The following MRRF variants were observed in gnomAD, a reference collection of about 807,000 sequenced individuals.
MRRF encodes mitochondrial ribosome recycling factor.
MRRF carries 18 observed loss-of-function variants against 25.1 expected under a neutral mutation model. That is an observed-to-expected ratio of 0.72 (90% confidence interval 0.50 to 1.06). The LOEUF (loss-of-function observed/expected upper bound fraction) is 1.06, where lower values mean the gene tolerates loss of function less well. MRRF is among the 50% of genes least tolerant of loss of function. MRRF has a pLI of 0.00. For synonymous variants in MRRF, 113 were observed against 112.1 expected, an observed-to-expected ratio of 1.01 and a Z score of -0.05; for missense variants, 323 against 319.3, an observed-to-expected ratio of 1.01 and a Z score of -0.09.
At chr9:122,269,771 G>A (rs569762201) in intron 1 of MRRF, among the ~76,000 whole-genome samples, 1 of 152,064 alleles carries the variant, frequency 6.6e-6, no homozygotes, top group Non-Finnish European at 1.5e-5. Context: ...GAAAAAAAAG[G>A]TGATAGCTAT....
At chr9:122,270,828 T>G in intron 1 of MRRF, 36 bp from the exon 2 acceptor site, 1 of 1,534,234 alleles carries the variant, frequency 6.5e-7, no homozygotes, top group Non-Finnish European at 9.0e-7. Flanking sequence ...ACTTAGATCT[T>G]TTACTTAGAT....
chr9:122,287,229 C>T (rs1196825123), intron 4 of MRRF, among the ~76,000 whole-genome samples: 1 of 152,162 alleles, frequency 6.6e-6, no homozygotes, highest in Non-Finnish European at 1.5e-5. Context: ...CTCACTTTTA[C>T]TAGAGTGTAA....
chr9:122,273,968 A>G (rs1832622533), intron 2 of MRRF, among the ~76,000 whole-genome samples: 1 of 152,212 alleles, frequency 6.6e-6, no homozygotes, highest in Non-Finnish European at 1.5e-5. Flanking sequence ...GTTTTGAGCT[A>G]AAACAAATAA....
At chr9:122,319,854 G>A (rs1195418617) in intron 6 of MRRF, among the ~76,000 whole-genome samples, 1 of 147,952 alleles carries the variant, frequency 6.8e-6, no homozygotes, top group Non-Finnish European at 1.5e-5. Flanking sequence ...ATGGTAAAAT[G>A]TTAGTAAATA....
chr9:122,315,090 G>A (rs965473717), intron 6 of MRRF, among the ~76,000 whole-genome samples: 3 of 152,084 alleles, frequency 2.0e-5, no homozygotes, highest in East Asian at 1.9e-4. Flanking sequence ...TCACCTGGGG[G>A]GGGGAATTTT....
chr9:122,307,503 A>G (rs896238402), intron 5 of MRRF, among the ~76,000 whole-genome samples: 6 of 152,182 alleles, frequency 3.9e-5, no homozygotes, highest in Non-Finnish European at 7.3e-5. Flanking sequence ...CACCACTCGC[A>G]TCCTATTCTC....
chr9:122,267,925 A>G (rs1452507528), intron 1 of MRRF, among the ~76,000 whole-genome samples: 7 of 152,232 alleles, frequency 4.6e-5, no homozygotes, highest in African/African-American at 1.4e-4. Context: ...GACCTCCCCA[A>G]GGTCACACAG....
At chr9:122,314,119 G>A (rs1310353952) in intron 6 of MRRF, among the ~76,000 whole-genome samples, 2 of 152,012 alleles carry the variant, frequency 1.3e-5, no homozygotes. Context: ...CCACAATAAT[G>A]GTACATAACT....
intron 5 of MRRF, among the ~76,000 whole-genome samples, chr9:122,298,740 G>T (rs1354057445): frequency 6.6e-6 from 1 of 152,120 alleles, no homozygotes; most frequent in Non-Finnish European, 1.5e-5. Flanking sequence ...CAAAACCTTT[G>T]CCCTTAATGG....
intron 6 of MRRF, among the ~76,000 whole-genome samples, chr9:122,321,082 A>T (rs1319482888): frequency 2.0e-5 from 3 of 152,250 alleles, no homozygotes; most frequent in Admixed American, 6.5e-5. Context: ...GTTAGGTCCT[A>T]GGCTGGATGT....
intron 1 of MRRF, among the ~76,000 whole-genome samples, chr9:122,269,707 C>G (rs1832332273): frequency 1.3e-5 from 2 of 152,070 alleles, no homozygotes; most frequent in Admixed American, 1.3e-4. Context: ...TCCTGGGCAA[C>G]AGAGTGTGAC....
Position 122,271,078 on chromosome 9 carries a change from A to G in MRRF, c.184+3A>G, listed in dbSNP as rs1832425164. ...TTTTGCTACCAAGAAAGCCAAAGGT[A>G]GAGACATGTGACGTTCTCTCCTACT... is the stretch of plus-strand genomic sequence containing the variant. On this transcript the variant is annotated splice_donor_region_variant and intron_variant, in intron 2 of 6. Coordinates refer to ENST00000344641, the MANE Select transcript of MRRF (RefSeq NM_138777.5). 1.9e-6 allele frequency: 3 copies of G among 1,613,520 alleles called. No homozygotes were observed. The highest frequency in any genetic ancestry group is 2.7e-5 in the African/African-American group (2 of 74,934).
At chr9:122,301,033 C>T (rs919972532) in intron 5 of MRRF, among the ~76,000 whole-genome samples, 1 of 152,136 alleles carries the variant, frequency 6.6e-6, no homozygotes, top group South Asian at 2.1e-4. Context: ...TAATTGCTAT[C>T]GTCATTTTCC....
chr9:122,279,804 A>G (rs1373496831), intron 2 of MRRF, among the ~76,000 whole-genome samples: 2 of 152,202 alleles, frequency 1.3e-5, no homozygotes, highest in Admixed American at 1.3e-4. Context: ...ACCAGCCATC[A>G]GATATTGTGT....
chr9:122,311,022 G>C (rs1835171383), intron 5 of MRRF, among the ~76,000 whole-genome samples: 1 of 152,098 alleles, frequency 6.6e-6, no homozygotes, highest in Non-Finnish European at 1.5e-5. Flanking sequence ...TATATATGCT[G>C]CTCTCTTTAT....
chr9:122,268,772 A>G (rs1832271596), intron 1 of MRRF, among the ~76,000 whole-genome samples: 1 of 152,202 alleles, frequency 6.6e-6, no homozygotes, highest in Admixed American at 6.5e-5. Context: ...GGTTTTATAG[A>G]CTTCATACAC....
In MRRF at chr9:122,327,818, T is replaced by C. The variant is rs1045635917; in HGVS notation, c.*5201T>C. The stretch of plus-strand genomic sequence containing the variant: ...TTGCTTGCTTTTTGTTTACATTTGC[T>C]TTCCCCATTTCTTGATTTTTAAGCT... On this transcript the variant is annotated 3_prime_UTR_variant, in exon 7 of 7. Transcript: ENST00000344641. 1.3e-5 allele frequency: 2 copies of C among 152,168 alleles called. No homozygotes were observed. Among genetic ancestry groups the C allele is most frequent in the African/African-American group, 4.8e-5 (2 of 41,452 alleles). The allele number at this position is 152,168 out of a possible 1,614,324, so 9.4% of individuals were successfully genotyped here. A position where few individuals can be genotyped will look rare whatever the true frequency, so the allele number is the denominator to read the frequency against.
intron 5 of MRRF, among the ~76,000 whole-genome samples, chr9:122,311,369 A>T (rs1192135498): frequency 6.6e-6 from 1 of 150,834 alleles, no homozygotes; most frequent in Non-Finnish European, 1.5e-5. Context: ...ACTGCACTCC[A>T]CTCTCCATTT....
At chr9:122,293,069 G>A (rs576827621) in intron 5 of MRRF, among the ~76,000 whole-genome samples, 22 of 152,200 alleles carry the variant, frequency 1.4e-4, no homozygotes, top group Middle Eastern at 6.8e-3. Flanking sequence ...AAATAAGTAC[G>A]TAATGGAATG....
Sources: gnomAD v4.1 joint callset for allele counts (sites outside exome capture counted in the v4.1 genomes callset) on GRCh38, gnomAD v4.1.1 for gene constraint, MANE v1.5 for transcripts, NCBI Gene and HGNC (gene_info 2026-07-23, HGNC 2026-07-21) for gene names.